PDLIM5: variants seen among roughly 807,000 people sequenced by gnomAD.
PDLIM5 encodes PDZ and LIM domain 5, also known as PDZ and LIM domain protein 5.
Under a neutral mutation model 64.2 loss-of-function variants are expected in PDLIM5, and 34 were observed. The observed-to-expected ratio is 0.53, with a 90% CI of 0.40 to 0.71. The LOEUF is 0.71. Among genes scored for constraint, PDLIM5 ranks in the 30% least tolerant of loss-of-function variants. The pLI, the probability that PDLIM5 is intolerant of heterozygous loss-of-function variation, is 0.00. For synonymous variants in PDLIM5, 253 were observed against 269.1 expected (o/e 0.94, Z 0.59); for missense variants, 683 against 733.6 (o/e 0.93, Z 0.80).
chr4:94,504,144 G>A (rs1275172132), intron 2 of PDLIM5, among the ~76,000 whole-genome samples: 1 of 151,994 alleles, frequency 6.6e-6, no homozygotes, highest in Non-Finnish European at 1.5e-5. Context: ...ATTCATTTTA[G>A]TAATATAAAT....
In PDLIM5 at chr4:94,665,031, A is replaced by T; in HGVS notation, c.*964A>T. On this transcript the variant is annotated 3_prime_UTR_variant, in exon 13 of 13. Transcript: ENST00000317968. ...AAAAATAAGCTACCATATAGCTTAT[A>T]AGTCTCAAATTTTTGCCTTTTACTA... is the stretch of plus-strand genomic sequence containing the variant. 1 of 981,852 alleles carries T rather than the reference A, an allele frequency of 1.0e-6. No homozygotes were observed. The highest frequency in any genetic ancestry group is 1.2e-6 in the Non-Finnish European group (1 of 826,636). The allele number at this position is 981,852 out of a possible 1,614,324, so 60.8% of individuals were successfully genotyped here. A position where few individuals can be genotyped will look rare whatever the true frequency, so the allele number is the denominator to read the frequency against.
chr4:94,624,180 T>C (rs1339691394), intron 8 of PDLIM5, among the ~76,000 whole-genome samples: 1 of 149,730 alleles, frequency 6.7e-6, no homozygotes, highest in African/African-American at 2.4e-5. Flanking sequence ...TGGCTGGGCA[T>C]GGTGGTGCAC....
chr4:94,452,210 G>C (rs901954305), intron 1 of PDLIM5, among the ~76,000 whole-genome samples: 1 of 152,208 alleles, frequency 6.6e-6, no homozygotes, highest in Admixed American at 6.5e-5. Flanking sequence ...AAAGGGCAGC[G>C]CTGGAGTCCG....
intron 2 of PDLIM5, among the ~76,000 whole-genome samples, chr4:94,484,882 A>G (rs991555137): frequency 6.6e-6 from 1 of 152,226 alleles, no homozygotes; most frequent in Non-Finnish European, 1.5e-5. Flanking sequence ...TTGATATTAT[A>G]TACAGAACAA....
chr4:94,561,635 C>T (rs1448783877), intron 3 of PDLIM5, among the ~76,000 whole-genome samples: 1 of 152,156 alleles, frequency 6.6e-6, no homozygotes, highest in East Asian at 1.9e-4. Flanking sequence ...ACAGGATCTC[C>T]TATTCTCATT....
chr4:94,616,224 G>GA (rs1738774753), intron 7 of PDLIM5, among the ~76,000 whole-genome samples: 1 of 152,046 alleles, frequency 6.6e-6, no homozygotes, highest in Non-Finnish European at 1.5e-5. Context: ...TTTAATCCCA[G>GA]AATGAAAATG....
At chr4:94,475,754 G>A (rs543594897) in intron 2 of PDLIM5, among the ~76,000 whole-genome samples, 3 of 152,110 alleles carry the variant, frequency 2.0e-5, no homozygotes, top group South Asian at 2.1e-4. Flanking sequence ...ATTTAAAAAT[G>A]GTTAAGATGG....
At chr4:94,628,533 TC>T (rs757733900) in intron 8 of PDLIM5, among the ~76,000 whole-genome samples, 3 of 151,888 alleles carry the variant, frequency 2.0e-5, no homozygotes, top group Non-Finnish European at 4.4e-5. Context: ...TTTTTTTTTT[TC>T]CTGCTTCATT....
rs747258307 is a variant in PDLIM5 at position 94,585,713 on chromosome 4, G to T, written c.859G>T (p.Ala287Ser). 6.2e-7 allele frequency: 1 copy of T among 1,613,774 alleles called. No homozygotes were observed. Among genetic ancestry groups the T allele is most frequent in the Non-Finnish European group, 8.5e-7 (1 of 1,179,798 alleles). The change falls in exon 6 of 13, where the codon GCC becomes TCC. Residue 287 changes from alanine to serine, a missense_variant. Ala to Ser is a moderately conservative substitution (Grantham distance 99). Transcript: ENST00000317968. ...TTQSRSFRIL[A>S]QITGTEHLKE... ...TCAGTCTCGCTCTTTCCGAATCCTT[G>T]CCCAGATCACTGGGACTGAACATTG...
At chr4:94,615,391 A>G (rs1392885244) in intron 7 of PDLIM5, among the ~76,000 whole-genome samples, 2 of 152,196 alleles carry the variant, frequency 1.3e-5, no homozygotes, top group Non-Finnish European at 2.9e-5. Flanking sequence ...AAACAAAATA[A>G]TGTATGTTAA....
chr4:94,564,084 C>T (rs1247420287), intron 3 of PDLIM5, among the ~76,000 whole-genome samples: 2 of 151,662 alleles, frequency 1.3e-5, no homozygotes, highest in Non-Finnish European at 2.9e-5. Context: ...CTGCCTCAGC[C>T]TCCTGGGTAG....
intron 3 of PDLIM5, among the ~76,000 whole-genome samples, chr4:94,529,703 A>G (rs1295845900): frequency 6.6e-6 from 1 of 152,228 alleles, no homozygotes; most frequent in Non-Finnish European, 1.5e-5. Flanking sequence ...TCTAATGAAC[A>G]TAAAAGTGTG....
At chr4:94,608,236 ACT>A in intron 7 of PDLIM5, 1 of 1,210,378 alleles carries the variant, frequency 8.3e-7, no homozygotes. Flanking sequence ...ATTTAAATAT[ACT>A]AAACTGTTTG....
intron 8 of PDLIM5, among the ~76,000 whole-genome samples, chr4:94,619,489 A>G (rs1177258743): frequency 1.3e-5 from 2 of 152,020 alleles, no homozygotes; most frequent in African/African-American, 2.4e-5. Flanking sequence ...AAACACAAAA[A>G]ATTATCCGGG....
chr4:94,574,002 T>C (rs1344609028), intron 4 of PDLIM5, among the ~76,000 whole-genome samples: 1 of 152,158 alleles, frequency 6.6e-6, no homozygotes, highest in Non-Finnish European at 1.5e-5. Flanking sequence ...ACTGACATGC[T>C]CACATGACCA....
At chr4:94,469,242 A>C (rs750481224) in intron 2 of PDLIM5, among the ~76,000 whole-genome samples, 28 of 152,356 alleles carry the variant, frequency 1.8e-4, no homozygotes, top group Admixed American at 5.9e-4. Flanking sequence ...CTCACACACA[A>C]AAAAAACAAA....
chr4:94,521,047 T>G (rs1729781845), intron 2 of PDLIM5, among the ~76,000 whole-genome samples: 1 of 152,180 alleles, frequency 6.6e-6, no homozygotes, highest in Non-Finnish European at 1.5e-5. Flanking sequence ...TCAAGGCTCT[T>G]GGAGAAGAGC....
chr4:94,504,342 C>T (rs1266140330), intron 2 of PDLIM5, among the ~76,000 whole-genome samples: 2 of 151,290 alleles, frequency 1.3e-5, no homozygotes, highest in Admixed American at 6.6e-5. Flanking sequence ...GGTTGGAGTG[C>T]GGTGGCACTA....
intron 2 of PDLIM5, among the ~76,000 whole-genome samples, chr4:94,494,432 G>GGTTTTTTTTTTTTT (rs1553940971): frequency 0.017 from 1,231 of 70,750 alleles, 173 homozygotes; most frequent in South Asian, 0.034. Context: ...TTTTTTTCTT[G>GGTTTTTTTTTTTTT]TTTTTTTTTT....
Sources: gnomAD v4.1 joint callset for allele counts (sites outside exome capture counted in the v4.1 genomes callset) on GRCh38, gnomAD v4.1.1 for gene constraint, MANE v1.5 for transcripts, NCBI Gene and HGNC (gene_info 2026-07-23, HGNC 2026-07-21) for gene names.